Variants in DIAPH1 observed in about 807,000 individuals in gnomAD.
DIAPH1 encodes the protein protein diaphanous homolog 1.
DIAPH1 carries 46 observed loss-of-function variants against 140.7 expected under a neutral mutation model. The ratio of observed to expected loss-of-function variants is 0.33; its 90% CI spans 0.26 to 0.42. The LOEUF (loss-of-function observed/expected upper bound fraction) is 0.42, where lower values mean the gene tolerates loss of function less well. Ranked by LOEUF, DIAPH1 falls within the 10% of genes least tolerant of loss-of-function variation. The pLI, the probability that DIAPH1 is intolerant of heterozygous loss-of-function variation, is 1.00. For missense variants in DIAPH1, 1,310 were observed against 1,558.7 expected (o/e 0.84, Z 2.69); for synonymous variants, 565 against 551.6 (o/e 1.02, Z -0.34).
At chr5:141,600,432 G>A (rs1458854177) in intron 1 of DIAPH1, among the ~76,000 whole-genome samples, 5 of 152,186 alleles carry the variant, frequency 3.3e-5, no homozygotes, top group East Asian at 1.9e-4. Flanking sequence ...AAGTGTGTTT[G>A]TTTTAAGCTA....
chr5:141,550,137 T>C (rs1222342103), intron 18 of DIAPH1, among the ~76,000 whole-genome samples: 3 of 152,118 alleles, frequency 2.0e-5, no homozygotes, highest in African/African-American at 7.2e-5. Context: ...AGGGACTTTC[T>C]ATACTGATTA....
Position 141,576,793 on chromosome 5 carries a change from C to T in DIAPH1, c.1359G>A (p.Lys453=), listed in dbSNP as rs764490603. ...CAATCTCAATCTGGAGGTGCCGGCA[C>T]TTGAAGTCAGGATCAGCCCCGTTCT... is the stretch of plus-strand genomic sequence containing the variant. ...LHKNGADPDF[K]CRHLQIEIEG... Residue 453 remains lysine, a synonymous_variant, in exon 13 of 28, where the codon AAG becomes AAA. Coordinates refer to ENST00000389054, the MANE Select transcript of DIAPH1 (RefSeq NM_005219.5). 4 of 1,613,958 alleles carry T rather than the reference C, an allele frequency of 2.5e-6. No individual in the cohort carries two copies. The highest frequency in any genetic ancestry group is 2.5e-6 in the Non-Finnish European group (3 of 1,179,874).
intron 26 of DIAPH1, 39 bp downstream of exon 26, chr5:141,525,999 A>G (rs1241974172): frequency 1.2e-6 from 2 of 1,612,632 alleles, no homozygotes; most frequent in East Asian, 2.2e-5. Context: ...TCTTCCCAAC[A>G]TTCCTATCTC....
At chr5:141,609,054 G>A (rs1427606861) in intron 1 of DIAPH1, among the ~76,000 whole-genome samples, 2 of 151,140 alleles carry the variant, frequency 1.3e-5, no homozygotes, top group South Asian at 2.1e-4. Context: ...TCCTAATAAC[G>A]CATGAGCCAA....
At chr5:141,550,178 C>A (rs1206732109) in intron 18 of DIAPH1, among the ~76,000 whole-genome samples, 1 of 151,958 alleles carries the variant, frequency 6.6e-6, no homozygotes, top group East Asian at 1.9e-4. Context: ...CAGGAAAATG[C>A]AGGATTTTTA....
At chr5:141,593,685 G>A (rs140448541) in intron 1 of DIAPH1, among the ~76,000 whole-genome samples, 175 of 152,262 alleles carry the variant, frequency 1.1e-3, no homozygotes, top group African/African-American at 3.7e-3. Flanking sequence ...ATAAACTTAC[G>A]AAAGAAGCTC....
intron 18 of DIAPH1, among the ~76,000 whole-genome samples, chr5:141,548,268 AGTGG>A: frequency 6.7e-6 from 1 of 149,242 alleles, no homozygotes. Flanking sequence ...TAAGACTGAC[AGTGG>A]AATTCTTTAA....
At chr5:141,611,707 GA>G (rs1451323838) in intron 1 of DIAPH1, among the ~76,000 whole-genome samples, 1 of 152,182 alleles carries the variant, frequency 6.6e-6, no homozygotes, top group Non-Finnish European at 1.5e-5. Flanking sequence ...AGATTCTTAA[GA>G]AAGATATATA....
At chr5:141,610,048 A>G (rs1337117092) in intron 1 of DIAPH1, among the ~76,000 whole-genome samples, 1 of 152,250 alleles carries the variant, frequency 6.6e-6, no homozygotes, top group Non-Finnish European at 1.5e-5. Context: ...TTGTAATCAC[A>G]GGGCTTTGGG....
chr5:141,587,228 TCCATTTTCACTTACATAACAAGCC>T, intron 2 of DIAPH1, 31 bp from the exon 3 acceptor site: 2 of 1,611,136 alleles, frequency 1.2e-6, no homozygotes, highest in Non-Finnish European at 1.7e-6. Flanking sequence ...TTAGCAGTGA[TCCATTTTCACTTACATAACAAGCC>T]ACACATCAAA....
In DIAPH1 at chr5:141,587,329, C is replaced by G. The variant is rs1046628551; in HGVS notation, c.145-132G>C. The G allele has an allele frequency of 1.6e-5, 14 of 877,206 alleles. No individual in the cohort carries two copies. In the African/African-American group the frequency reaches 2.2e-4, roughly 14 times the overall value. The allele number at this position is 877,206 out of a possible 1,614,324, so 54.3% of individuals were successfully genotyped here. On this transcript the variant is annotated intron_variant, in intron 2 of 27. Coordinates refer to ENST00000389054, the MANE Select transcript of DIAPH1 (RefSeq NM_005219.5). ...GGTTCACAAGCAGTTCAAGACTCTT[C>G]TGACATGAAAAGAAGAAATCAGTCT...
chr5:141,569,535 G>A (rs1384394587), intron 18 of DIAPH1, among the ~76,000 whole-genome samples: 1 of 151,992 alleles, frequency 6.6e-6, no homozygotes, highest in Non-Finnish European at 1.5e-5. Flanking sequence ...GGCCAAGGTG[G>A]GCAGATCACC....
At chr5:141,525,913 T>C (rs990345317) in intron 26 of DIAPH1, 125 bp downstream of exon 26, 1 of 1,487,250 alleles carries the variant, frequency 6.7e-7, no homozygotes, top group South Asian at 1.1e-5. Flanking sequence ...GATCTCGGAG[T>C]GAAGACTGCC....
chr5:141,595,530 G>GT (rs2099899182), intron 1 of DIAPH1, among the ~76,000 whole-genome samples: 1 of 152,164 alleles, frequency 6.6e-6, no homozygotes, highest in Admixed American at 6.5e-5. Context: ...CCCCTATGCT[G>GT]TTCTCATGAT....
At chr5:141,541,738 A>C (rs2154595393) in intron 18 of DIAPH1, among the ~76,000 whole-genome samples, 1 of 151,990 alleles carries the variant, frequency 6.6e-6, no homozygotes, top group South Asian at 2.1e-4. Flanking sequence ...GAAATGAACA[A>C]CTAGAAAGAG....
chr5:141,566,823 AG>A (rs1334412024), intron 18 of DIAPH1, among the ~76,000 whole-genome samples: 1 of 152,204 alleles, frequency 6.6e-6, no homozygotes, highest in Non-Finnish European at 1.5e-5. Context: ...TGTGACCAGG[AG>A]GCAGAGGCTA....
chr5:141,524,686 G>T, intron 26 of DIAPH1: 1 of 262,440 alleles, frequency 3.8e-6, no homozygotes, highest in South Asian at 4.0e-5. Context: ...CTGAAGTACT[G>T]CCTCCAGTGG....
intron 18 of DIAPH1, among the ~76,000 whole-genome samples, chr5:141,535,597 C>T (rs2099888886): frequency 6.6e-6 from 1 of 152,180 alleles, no homozygotes; most frequent in African/African-American, 2.4e-5. Flanking sequence ...ATGGGCAAAA[C>T]AGTATTTCAT....
intron 19 of DIAPH1, among the ~76,000 whole-genome samples, chr5:141,530,404 T>C (rs17208474): frequency 0.17 from 26,588 of 152,156 alleles, 2,585 homozygotes; most frequent in Admixed American, 0.29. Context: ...ACTCCTACTA[T>C]TACCTTTCTT....
Sources: allele counts gnomAD v4.1 joint callset (sites outside exome capture counted in the v4.1 genomes callset), GRCh38; gene constraint gnomAD v4.1.1; transcripts MANE v1.5; gene names NCBI Gene and HGNC (gene_info 2026-07-23, HGNC 2026-07-21).